The following LCLAT1 variants were observed in gnomAD, a reference collection of about 807,000 sequenced individuals.
The protein encoded by LCLAT1 is 1-AGP acyltransferase 8.
Under a neutral mutation model 30.7 loss-of-function variants are expected in LCLAT1, and 11 were observed. That is an observed-to-expected ratio of 0.36 (90% CI 0.23 to 0.59). LCLAT1 has a LOEUF of 0.59. Ranked by LOEUF, LCLAT1 falls within the 20% of genes least tolerant of loss-of-function variation. LCLAT1 has a pLI of 0.77. For synonymous variants in LCLAT1, 155 were observed against 151.3 expected (o/e 1.02, Z -0.18); for missense variants, 402 against 458.6 (o/e 0.88, Z 1.13).
At chr2:30,509,852 C>T (rs377419539) in intron 1 of LCLAT1, among the ~76,000 whole-genome samples, 13 of 152,136 alleles carry the variant, frequency 8.5e-5, no homozygotes, top group Non-Finnish European at 1.3e-4. Context: ...GCATAAGCCA[C>T]GACGCCCAAC....
intron 5 of LCLAT1, among the ~76,000 whole-genome samples, chr2:30,590,422 TGAA>T (rs1408601618): frequency 2.0e-5 from 3 of 151,196 alleles, no homozygotes; most frequent in Non-Finnish European, 4.4e-5. Flanking sequence ...TAAAAAGAAG[TGAA>T]GAATTAATTA....
intron 5 of LCLAT1, among the ~76,000 whole-genome samples, chr2:30,570,145 A>G (rs1243050909): frequency 6.6e-6 from 1 of 152,142 alleles, no homozygotes; most frequent in African/African-American, 2.4e-5. Flanking sequence ...TAGCAAACTG[A>G]TTTATAACTT....
chr2:30,518,150 A>C (rs1245357210), intron 1 of LCLAT1, among the ~76,000 whole-genome samples: 4 of 152,236 alleles, frequency 2.6e-5, no homozygotes, highest in Non-Finnish European at 5.9e-5. Flanking sequence ...TGACTCAAAA[A>C]TCTTAAAGTA....
At chr2:30,619,332 C>A (rs994712730) in intron 5 of LCLAT1, among the ~76,000 whole-genome samples, 11 of 152,156 alleles carry the variant, frequency 7.2e-5, no homozygotes, top group African/African-American at 2.7e-4. Flanking sequence ...GGCTCTAACA[C>A]CAAAACCATA....
Position 30,640,266 on chromosome 2 carries a change from G to A in LCLAT1, c.778G>A (p.Glu260Lys). ...AATAGACACCCTCCCCACATCCAAG[G>A]AGGACCTTCAACTCTGGTGCCACAA... Reference protein sequence around the residue: ...YPIDTLPTSKEDLQLWCHKRW... With the variant: ...YPIDTLPTSKKDLQLWCHKRW... The change falls in exon 6 of 6, where the codon GAG becomes AAG. Residue 260 changes from glutamate to lysine, a missense_variant. Physicochemically the swap from Glu to Lys is moderately conservative, Grantham distance 56. Coordinates refer to ENST00000379509, the MANE Select transcript of LCLAT1 (RefSeq NM_001002257.3). 1 of 1,614,140 alleles carries A rather than the reference G, an allele frequency of 6.2e-7. No homozygotes were observed. Among genetic ancestry groups the A allele is most frequent in the Non-Finnish European group, 8.5e-7 (1 of 1,180,012 alleles).
chr2:30,496,233 C>T (rs1684106991), intron 1 of LCLAT1, among the ~76,000 whole-genome samples: 1 of 152,170 alleles, frequency 6.6e-6, no homozygotes, highest in Non-Finnish European at 1.5e-5. Context: ...GGCCCCTCTT[C>T]CAACATTGGG....
intron 4 of LCLAT1, among the ~76,000 whole-genome samples, chr2:30,566,424 A>T (rs1388153838): frequency 6.6e-6 from 1 of 152,152 alleles, no homozygotes; most frequent in Non-Finnish European, 1.5e-5. Context: ...TCAAATGAAT[A>T]TGAGAGGAAC....
At chr2:30,570,768 C>T (rs1172355773) in intron 5 of LCLAT1, among the ~76,000 whole-genome samples, 3 of 152,122 alleles carry the variant, frequency 2.0e-5, no homozygotes, top group Non-Finnish European at 2.9e-5. Context: ...GGCCAGAACA[C>T]GGAGAGATGG....
At chr2:30,595,441 C>T (rs1222403783) in intron 5 of LCLAT1, among the ~76,000 whole-genome samples, 1 of 152,112 alleles carries the variant, frequency 6.6e-6, no homozygotes, top group East Asian at 1.9e-4. Context: ...TATTCCTATT[C>T]TGCTCAACTT....
chr2:30,578,489 G>C (rs1461028377), intron 5 of LCLAT1, among the ~76,000 whole-genome samples: 1 of 152,076 alleles, frequency 6.6e-6, no homozygotes, highest in Non-Finnish European at 1.5e-5. Context: ...AGGCAAAACG[G>C]TCTTTCCTGT....
At chr2:30,487,649 G>A (rs748143240) in intron 1 of LCLAT1, among the ~76,000 whole-genome samples, 19 of 151,834 alleles carry the variant, frequency 1.3e-4, no homozygotes, top group Admixed American at 2.6e-4. Context: ...AATGTGAGTG[G>A]TGCTTGAAGT....
At chr2:30,614,651 C>G (rs1265521631) in intron 5 of LCLAT1, among the ~76,000 whole-genome samples, 2 of 152,086 alleles carry the variant, frequency 1.3e-5, no homozygotes, top group African/African-American at 4.8e-5. Flanking sequence ...TATTAGATAT[C>G]CATAGGGAGT....
chr2:30,473,154 T>C (rs1682879581), intron 1 of LCLAT1, among the ~76,000 whole-genome samples: 1 of 152,216 alleles, frequency 6.6e-6, no homozygotes, highest in Non-Finnish European at 1.5e-5. Context: ...AGGAAAATTA[T>C]ATATGTATGA....
chr2:30,536,997 A>T (rs1686278479), intron 3 of LCLAT1, among the ~76,000 whole-genome samples: 2 of 149,168 alleles, frequency 1.3e-5, no homozygotes, highest in African/African-American at 4.9e-5. Context: ...GTGAAGAAAC[A>T]CATAGACTGA....
chr2:30,459,636 TGTG>T, intron 1 of LCLAT1: 4 of 1,613,904 alleles, frequency 2.5e-6, no homozygotes, highest in Non-Finnish European at 3.4e-6. Flanking sequence ...GAAGGGAAAT[TGTG>T]GTGCTTCTGA....
chr2:30,612,018 A>G (rs1041707571), intron 5 of LCLAT1, among the ~76,000 whole-genome samples: 1 of 152,148 alleles, frequency 6.6e-6, no homozygotes, highest in Non-Finnish European at 1.5e-5. Context: ...AAAATAGCAC[A>G]GTAGAAAATG....
intron 1 of LCLAT1, among the ~76,000 whole-genome samples, chr2:30,523,357 A>G (rs1284176618): frequency 2.6e-5 from 4 of 151,934 alleles, no homozygotes; most frequent in African/African-American, 9.7e-5. Context: ...AGTTGAGGAT[A>G]GGTGGTAACA....
chr2:30,585,442 T>C (rs766805001), intron 5 of LCLAT1, among the ~76,000 whole-genome samples: 6 of 152,154 alleles, frequency 3.9e-5, no homozygotes, highest in Admixed American at 1.3e-4. Flanking sequence ...CCCTCTCTAG[T>C]CTAGCCACAT....
intron 5 of LCLAT1, among the ~76,000 whole-genome samples, chr2:30,630,086 C>T (rs1225566828): frequency 6.6e-6 from 1 of 152,068 alleles, no homozygotes; most frequent in South Asian, 2.1e-4. Flanking sequence ...CATGTGTTGG[C>T]GAGGTCAGCT....
Sources: allele counts gnomAD v4.1 joint callset (sites outside exome capture counted in the v4.1 genomes callset), GRCh38; gene constraint gnomAD v4.1.1; transcripts MANE v1.5; gene names NCBI Gene and HGNC (gene_info 2026-07-23, HGNC 2026-07-21).